Variants in SLC4A5 observed in about 807,000 individuals in gnomAD.
SLC4A5 encodes the protein electrogenic sodium bicarbonate cotransporter 4.
Under a neutral mutation model 120.4 loss-of-function variants are expected in SLC4A5, and 96 were observed. The ratio of observed to expected loss-of-function variants is 0.80; its 90% CI spans 0.68 to 0.94. The LOEUF (loss-of-function observed/expected upper bound fraction) is 0.94. Ranked by LOEUF, SLC4A5 falls within the 40% of genes least tolerant of loss-of-function variation. SLC4A5 has a pLI of 0.00. For missense variants in SLC4A5, 1,259 were observed against 1,459.5 expected, an observed-to-expected ratio of 0.86 and a Z score of 2.24; for synonymous variants, 550 against 571.1, an observed-to-expected ratio of 0.96 and a Z score of 0.53.
At position 74,221,357 on chromosome 2, in the gene SLC4A5, A is replaced by G. The variant is rs7599319; in HGVS notation, c.*33+77T>C. ...ACTGAGAGGACAGCTAGCTTGGGAA[A>G]TCCTAGACCCTCCACCTTCCCGGCC... On this transcript the variant is annotated intron_variant, in intron 30 of 30. Transcript: ENST00000394019. The G allele has an allele frequency of 3.4e-3, 4,001 of 1,167,422 alleles. 101 individuals are homozygous for G. The African/African-American group carries it at 0.055, about 16-fold the overall frequency. 72.3% of individuals were successfully genotyped at this position (1,167,422 alleles called of 1,614,324 possible).
At chr2:74,333,083 G>A (rs995183913) in intron 4 of SLC4A5, among the ~76,000 whole-genome samples, 2 of 152,158 alleles carry the variant, frequency 1.3e-5, no homozygotes, top group Non-Finnish European at 2.9e-5. Flanking sequence ...CTCAGCCACA[G>A]GTGTCTTCCC....
At chr2:74,305,702 T>A in intron 6 of SLC4A5, among the ~76,000 whole-genome samples, 1 of 143,504 alleles carries the variant, frequency 7.0e-6, no homozygotes, top group African/African-American at 2.6e-5. Context: ...CCTTCCTCCC[T>A]CCAACTCCCT....
Position 74,255,664 on chromosome 2 carries a change from C to G in SLC4A5, c.1025+111G>C. 1 of 1,265,558 alleles carries G rather than the reference C, an allele frequency of 7.9e-7. No individual in the cohort carries two copies. The highest frequency in any genetic ancestry group is 1.1e-6 in the Non-Finnish European group (1 of 914,386). The allele number at this position is 1,265,558 out of a possible 1,614,324, so 78.4% of individuals were successfully genotyped here. ...GAAGATTTCCCTTCCCAGCAGCCTC[C>G]ACGTTTAGAGGTGCCTTTGAGAACA... On this transcript the variant is annotated intron_variant, in intron 13 of 30. Transcript: ENST00000394019. The surrounding 1 kb of genome is among the most constrained non-coding windows in gnomAD (Gnocchi z 4.0).
intron 19 of SLC4A5, among the ~76,000 whole-genome samples, chr2:74,246,333 A>G (rs776888669): frequency 7.2e-5 from 11 of 152,140 alleles, no homozygotes; most frequent in Non-Finnish European, 1.3e-4. Flanking sequence ...ATGGTGGTTA[A>G]CGCCCACCAT....
chr2:74,240,635 G>A (rs1415019120), intron 20 of SLC4A5, among the ~76,000 whole-genome samples: 1 of 152,052 alleles, frequency 6.6e-6, no homozygotes, highest in Non-Finnish European at 1.5e-5. Flanking sequence ...CAGGCACAGT[G>A]GCTGATGCCT....
intron 16 of SLC4A5, among the ~76,000 whole-genome samples, chr2:74,251,782 C>A (rs1023133551): frequency 1.3e-5 from 2 of 152,214 alleles, no homozygotes; most frequent in Non-Finnish European, 2.9e-5. Context: ...AGGAGGAGGC[C>A]AGGAAGGATT....
chr2:74,230,287 G>T (rs1046040913), intron 25 of SLC4A5, among the ~76,000 whole-genome samples: 4 of 152,220 alleles, frequency 2.6e-5, no homozygotes, highest in Admixed American at 2.0e-4. Context: ...CTGGAGTGGA[G>T]AGCAGGGAAG....
At chr2:74,233,626 C>A in intron 22 of SLC4A5, 63 bp from the exon 23 acceptor site, 1 of 1,503,178 alleles carries the variant, frequency 6.7e-7, no homozygotes, top group Non-Finnish European at 8.9e-7. Context: ...CACTTGTCGC[C>A]TGGCCTGCTG....
At chr2:74,232,539 G>A in exon 24 of SLC4A5, 1 of 1,614,008 alleles carries the variant, frequency 6.2e-7, no homozygotes, top group East Asian at 2.2e-5. Flanking sequence ...CTGTCGATGT[G>A]GGCGATGGAG....
chr2:74,265,315 C>A (rs772641266), intron 8 of SLC4A5, 51 bp from the exon 9 acceptor site: 1 of 1,587,744 alleles, frequency 6.3e-7, no homozygotes, highest in African/African-American at 1.3e-5. Context: ...CAGGAGGAGG[C>A]CTCACCTGGG....
rs1372340763 is a variant in SLC4A5 at position 74,271,744 on chromosome 2, C to T, written c.402-6480G>A. Among the ~76,000 whole-genome samples the T allele has an allele frequency of 3.3e-5, 5 of 151,090 alleles. No homozygotes were observed. The East Asian group carries it at 7.8e-4, about 24-fold the overall frequency. ...TCACTGATCACTTTGGGTGAGATCT[C>T]GCTATGAGGAAATGACTGGGGAAAA... On this transcript the variant is annotated intron_variant, in intron 8 of 30. Transcript: ENST00000394019.
intron 30 of SLC4A5, among the ~76,000 whole-genome samples, chr2:74,221,227 C>A (rs578026348): frequency 4.0e-4 from 61 of 152,160 alleles, no homozygotes; most frequent in Non-Finnish European, 7.2e-4. Context: ...TGTGTTGTAA[C>A]CATGTTGTTA....
Position 74,290,602 on chromosome 2 carries a change from C to CAG in SLC4A5, c.272-4702_272-4701dup, listed in dbSNP as rs904887057. ...ATTAAAGATCTGAGAGAGAGAGAGA[C>CAG]AGAGAGAGAGACAGAGAAGTGAGAG... is the stretch of plus-strand genomic sequence containing the variant. On this transcript the variant is annotated intron_variant, in intron 7 of 30. Coordinates refer to ENST00000394019, the Ensembl canonical transcript of SLC4A5. 31 of 924,138 alleles carry CAG rather than the reference C, an allele frequency of 3.4e-5. No homozygotes were observed. In the African/African-American group the frequency reaches 5.6e-4, roughly 17 times the overall value. The allele number at this position is 924,138 out of a possible 1,614,324, so 57.2% of individuals were successfully genotyped here.
rs779226502 is a variant in SLC4A5, at chr2:74,255,788, G to A, written c.1012C>T (p.Pro338Ser). 1.9e-6 allele frequency: 3 copies of A among 1,614,148 alleles called. No homozygotes were observed. The highest frequency in any genetic ancestry group is 2.7e-5 in the African/African-American group (2 of 75,040). ...AATGGCTCTCACCTGGTGGGGACAG[G>A]CACCTCGGTCACTCCTCCCAGCATG... The change falls in exon 13 of 31, where the codon CCT becomes TCT. Residue 338 changes from proline to serine, a missense_variant. By Grantham distance (74) the Pro-to-Ser change is moderately conservative (BLOSUM62 -1). Transcript: ENST00000394019. This position sits in a 1 kb window ranked among gnomAD's most constrained non-coding sequence, Gnocchi z 4.0.
intron 12 of SLC4A5, among the ~76,000 whole-genome samples, chr2:74,257,389 C>G (rs1428990521): frequency 6.6e-6 from 1 of 152,094 alleles, no homozygotes; most frequent in Non-Finnish European, 1.5e-5. Context: ...GCATGGTCAG[C>G]TGATTACTAA....
At chr2:74,259,608 G>GAGC (rs770934175) in exon 12 of SLC4A5, 4 of 1,614,082 alleles carry the variant, frequency 2.5e-6, no homozygotes, top group Non-Finnish European at 3.4e-6. Flanking sequence ...TTTGGGGTGA[G>GAGC]AGAAATGTCA....
intron 4 of SLC4A5, 27 bp from the exon 5 acceptor site, chr2:74,328,213 G>A: frequency 1.0e-6 from 1 of 985,070 alleles, no homozygotes; most frequent in Non-Finnish European, 1.2e-6. Context: ...AGGGCTCTCT[G>A]TGGTTTCCAG....
At chr2:74,302,896 G>T (rs1573080026) in intron 7 of SLC4A5, among the ~76,000 whole-genome samples, 1 of 152,212 alleles carries the variant, frequency 6.6e-6, no homozygotes, top group African/African-American at 2.4e-5. Context: ...AGGTGACAGG[G>T]GAACATCTCA....
At chr2:74,257,749 T>C (rs1290581541) in intron 12 of SLC4A5, among the ~76,000 whole-genome samples, 1 of 152,112 alleles carries the variant, frequency 6.6e-6, no homozygotes. Context: ...GGCTAATTTT[T>C]GTATTTTTGA....
Sources: allele counts gnomAD v4.1 joint callset (sites outside exome capture counted in the v4.1 genomes callset), GRCh38; gene constraint gnomAD v4.1.1; non-coding constraint Gnocchi (gnomAD v3.1); transcripts MANE v1.5; gene names NCBI Gene and HGNC (gene_info 2026-07-23, HGNC 2026-07-21).